The following RIMKLA variants were observed in gnomAD, a reference collection of about 807,000 sequenced individuals.
RIMKLA encodes the protein N-acetylaspartylglutamate synthase A.
In RIMKLA, 14 loss-of-function variants were observed where a neutral mutation model predicts 32.7. The observed-to-expected ratio is 0.43, with a 90% CI of 0.28 to 0.67. RIMKLA has a LOEUF of 0.67. Ranked by LOEUF, RIMKLA falls within the 30% of genes least tolerant of loss-of-function variation. The pLI is 0.18. For missense variants in RIMKLA, 410 were observed against 519.0 expected (o/e 0.79, Z 2.04); for synonymous variants, 176 against 204.1 (o/e 0.86, Z 1.18).
At chr1:42,398,217 C>A (rs1340861247) in intron 1 of RIMKLA, among the ~76,000 whole-genome samples, 1 of 152,168 alleles carries the variant, frequency 6.6e-6, no homozygotes, top group Non-Finnish European at 1.5e-5. Flanking sequence ...TTTTAGAAGA[C>A]AAGCCAAATA....
At position 42,414,577 on chromosome 1, in the gene RIMKLA, ATCTCC is replaced by A. The variant is rs1279242157; in HGVS notation, c.781_785del (p.Leu261TyrfsTer11). On this transcript the variant is annotated frameshift_variant, in exon 5 of 5. Transcript: ENST00000431473. LOFTEE classifies it high-confidence loss of function. Reference sequence around the variant, plus strand: ...CTAGGCATGGACTTCTGTGGCATTGATCTCCTTATCATGGACGATGGCTCCTTTGT... The same window carrying A: ...CTAGGCATGGACTTCTGTGGCATTGATTATCATGGACGATGGCTCCTTTGT... 1 of 1,614,198 alleles carries A rather than the reference ATCTCC, an allele frequency of 6.2e-7. No homozygotes were observed. Among genetic ancestry groups the A allele is most frequent in the Admixed American group, 1.7e-5 (1 of 60,022 alleles).
chr1:42,392,511 C>T (rs1309713485), intron 1 of RIMKLA, among the ~76,000 whole-genome samples: 1 of 152,156 alleles, frequency 6.6e-6, no homozygotes, highest in Non-Finnish European at 1.5e-5. Context: ...CATTTGATTG[C>T]ACCAGGGCCC....
At chr1:42,410,341 C>T (rs964046470) in intron 4 of RIMKLA, among the ~76,000 whole-genome samples, 154 bp downstream of exon 4, 1 of 152,160 alleles carries the variant, frequency 6.6e-6, no homozygotes, top group Non-Finnish European at 1.5e-5. Flanking sequence ...GCAAGCAATC[C>T]TGGAGGGGAG....
intron 1 of RIMKLA, among the ~76,000 whole-genome samples, chr1:42,398,401 C>A (rs1162864182): frequency 6.6e-6 from 1 of 152,084 alleles, no homozygotes; most frequent in Non-Finnish European, 1.5e-5. Flanking sequence ...TTGAATTGAA[C>A]TGATTTTTAG....
intron 1 of RIMKLA, among the ~76,000 whole-genome samples, chr1:42,385,832 CTTT>C (rs1642935599): frequency 2.7e-5 from 2 of 73,360 alleles, no homozygotes; most frequent in African/African-American, 8.7e-5. Context: ...TCCTTCCTTT[CTTT>C]CTTTCTTTCT....
At chr1:42,385,776 TTTG>T in intron 1 of RIMKLA, among the ~76,000 whole-genome samples, 1 of 110,310 alleles carries the variant, frequency 9.1e-6, no homozygotes, top group African/African-American at 4.0e-5. Context: ...TCTTTGTTTC[TTTG>T]TTTGTTTGTT....
intron 1 of RIMKLA, among the ~76,000 whole-genome samples, chr1:42,385,755 CTTT>C (rs1642931903): frequency 1.0e-5 from 1 of 97,328 alleles, no homozygotes; most frequent in Non-Finnish European, 1.9e-5. Flanking sequence ...TTCTTTCTTT[CTTT>C]CTTTCTTTCT....
chr1:42,403,970 A>G (rs1459056728), intron 2 of RIMKLA, among the ~76,000 whole-genome samples: 1 of 152,166 alleles, frequency 6.6e-6, no homozygotes, highest in Non-Finnish European at 1.5e-5. Context: ...TCCCTGCCAC[A>G]TGGCCTTCTC....
rs1643299518 is a variant in RIMKLA, at chr1:42,422,033, A to T, written c.*7059A>T. 6.6e-6 allele frequency: 1 copy of T among 151,928 alleles called. No individual in the cohort carries two copies. The highest frequency in any genetic ancestry group is 2.4e-5 in the African/African-American group (1 of 41,332). The allele number at this position is 151,928 out of a possible 1,614,324, so 9.4% of individuals were successfully genotyped here. On this transcript the variant is annotated 3_prime_UTR_variant, in exon 5 of 5. Transcript: ENST00000431473. Reference sequence around the variant, plus strand: ...ATTTACACCACAGAGATTGGCAAACACTCTATATCAAGACCCCCCTCCCCG... The same window carrying T: ...ATTTACACCACAGAGATTGGCAAACTCTCTATATCAAGACCCCCCTCCCCG...
chr1:42,385,691 C>T (rs1412712884), intron 1 of RIMKLA, among the ~76,000 whole-genome samples: 4 of 151,926 alleles, frequency 2.6e-5, no homozygotes, highest in Non-Finnish European at 4.4e-5. Flanking sequence ...CAAAGCCCTA[C>T]TCCTAGATTT....
intron 2 of RIMKLA, among the ~76,000 whole-genome samples, chr1:42,401,839 T>C (rs142174409): frequency 6.6e-6 from 1 of 152,110 alleles, no homozygotes; most frequent in Non-Finnish European, 1.5e-5. Context: ...TAATTGAGCA[T>C]GTTTAAAATG....
intron 3 of RIMKLA, among the ~76,000 whole-genome samples, chr1:42,405,622 C>T (rs148128394): frequency 6.6e-6 from 1 of 152,212 alleles, no homozygotes; most frequent in East Asian, 1.9e-4. Flanking sequence ...AGCACTCTAT[C>T]CTGGGCGACA....
At chr1:42,402,192 C>G (rs1215905059) in intron 2 of RIMKLA, among the ~76,000 whole-genome samples, 2 of 152,142 alleles carry the variant, frequency 1.3e-5, no homozygotes, top group African/African-American at 4.8e-5. Context: ...CTGTGGTAGG[C>G]AGAATAATGC....
chr1:42,402,207 C>A (rs534738726), intron 2 of RIMKLA, among the ~76,000 whole-genome samples: 1 of 152,138 alleles, frequency 6.6e-6, no homozygotes, highest in Admixed American at 6.5e-5. Context: ...TAATGCCACT[C>A]CCCCACCCTG....
At chr1:42,401,358 G>T (rs575515073) in intron 2 of RIMKLA, among the ~76,000 whole-genome samples, 95 of 149,434 alleles carry the variant, frequency 6.4e-4, no homozygotes, top group Non-Finnish European at 1.2e-3. Flanking sequence ...ATCTATAAAA[G>T]AAACTAATCA....
chr1:42,396,587 A>T (rs1398706776), intron 1 of RIMKLA: 1 of 152,096 alleles, frequency 6.6e-6, no homozygotes. Context: ...GAAATGATTG[A>T]ATTCTTTTCT....
rs768578475 is a variant in RIMKLA at position 42,410,194 on chromosome 1, T to C, written c.685+7T>C. On this transcript the variant is annotated splice_region_variant and intron_variant, in intron 4 of 4. Transcript: ENST00000431473. ...CAGAGCAACTGCTCTCTCGGTAAGG[T>C]ATAAAAGCACAGGGTTTTATTAGGG... 1 of 1,613,256 alleles carries C rather than the reference T, an allele frequency of 6.2e-7. No homozygotes were observed. Among genetic ancestry groups the C allele is most frequent in the Non-Finnish European group, 8.5e-7 (1 of 1,179,276 alleles).
At position 42,416,097 on chromosome 1, in the gene RIMKLA, G is replaced by GGGGGC. The variant is rs1557759914; in HGVS notation, c.*1124_*1125insGGGCG. ...CCATTGCACATTTTGCGGGGGGGGG[G>GGGGGC]GCTAATGTAGACATGACACCAAGTG... On this transcript the variant is annotated 3_prime_UTR_variant, in exon 5 of 5. Coordinates refer to ENST00000431473, the MANE Select transcript of RIMKLA (RefSeq NM_173642.4). 1 of 129,964 alleles carries GGGGGC rather than the reference G, an allele frequency of 7.7e-6. No individual in the cohort carries two copies. Among genetic ancestry groups the GGGGGC allele is most frequent in the Non-Finnish European group, 1.7e-5 (1 of 57,940 alleles). 8.1% of individuals were successfully genotyped at this position (129,964 alleles called of 1,614,324 possible).
rs757097592 is a variant in RIMKLA at position 42,414,933 on chromosome 1, A to C, written c.1135A>C (p.Asn379His). ...PPSMLPEPGY[N>H]INNRIASELK... The stretch of plus-strand genomic sequence containing the variant: ...CTCCATGCTGCCCGAACCTGGCTAC[A>C]ACATTAACAACAGGATTGCTTCTGA... Residue 379 changes from asparagine to histidine, a missense_variant, in exon 5 of 5, where the codon AAC (asparagine) becomes CAC (histidine). Coordinates refer to ENST00000431473, the MANE Select transcript of RIMKLA (RefSeq NM_173642.4). The C allele has an allele frequency of 6.2e-7, 1 of 1,613,580 alleles. No homozygotes were observed.
Sources: gnomAD v4.1 joint callset for allele counts (sites outside exome capture counted in the v4.1 genomes callset) on GRCh38, gnomAD v4.1.1 for gene constraint, MANE v1.5 for transcripts, NCBI Gene and HGNC (gene_info 2026-07-23, HGNC 2026-07-21) for gene names.